The following MAP4K3 variants were observed in gnomAD, a reference collection of about 807,000 sequenced individuals.
The protein encoded by MAP4K3 is mitogen-activated protein kinase kinase kinase kinase 3.
Under a neutral mutation model 143.5 loss-of-function variants are expected in MAP4K3, and 94 were observed. The observed-to-expected ratio is 0.65, with a 90% CI of 0.55 to 0.78. The LOEUF (loss-of-function observed/expected upper bound fraction) is 0.78, where lower values mean the gene tolerates loss of function less well. Among genes scored for constraint, MAP4K3 ranks in the 30% least tolerant of loss-of-function variants. The pLI, the probability that MAP4K3 is intolerant of heterozygous loss-of-function variation, is 0.00. For synonymous variants in MAP4K3, 416 were observed against 347.2 expected (o/e 1.20, Z -2.20); for missense variants, 1,077 against 1,068.1 (o/e 1.01, Z -0.12).
At chr2:39,337,068 A>C (rs544778762) in intron 5 of MAP4K3, 101 bp from the exon 6 acceptor site, 1 of 588,210 alleles carries the variant, frequency 1.7e-6, no homozygotes, top group African/African-American at 1.9e-5. Flanking sequence ...ATTTTATTTA[A>C]TCTTTACAGG....
At position 39,393,747 on chromosome 2, in the gene MAP4K3, G is replaced by A. The variant is rs573081778; in HGVS notation, c.97-15624C>T. Among the ~76,000 whole-genome samples, 62 of 152,194 alleles carry A rather than the reference G, an allele frequency of 4.1e-4. No homozygotes were observed. In the South Asian group the frequency reaches 6.9e-3, roughly 17 times the overall value. ...TGGTATATGCAGGAGACTGGTTCCA[G>A]GACCCTTGAGTGTACCAAAATCCAC... On this transcript the variant is annotated intron_variant, in intron 1 of 33. Coordinates refer to ENST00000263881, the MANE Select transcript of MAP4K3 (RefSeq NM_003618.4).
chr2:39,299,683 T>C (rs1682428457), intron 16 of MAP4K3, 60 bp downstream of exon 16: 3 of 874,468 alleles, frequency 3.4e-6, no homozygotes, highest in South Asian at 2.2e-5. Flanking sequence ...TAAAATATAA[T>C]ATTAAAGGCA....
intron 1 of MAP4K3, among the ~76,000 whole-genome samples, chr2:39,421,368 A>ATTT (rs59291407): frequency 2.6e-4 from 22 of 85,348 alleles, no homozygotes; most frequent in African/African-American, 9.0e-4. Context: ...TGACTTGGGC[A>ATTT]TTTTTTTTTT....
At chr2:39,363,983 T>C (rs558021636) in intron 2 of MAP4K3, among the ~76,000 whole-genome samples, 2 of 103,926 alleles carry the variant, frequency 1.9e-5, no homozygotes, top group East Asian at 5.7e-4. Context: ...CCTGTTCAGA[T>C]AGCCATTATA....
intron 23 of MAP4K3, among the ~76,000 whole-genome samples, chr2:39,279,932 G>C (rs1681443438): frequency 6.6e-6 from 1 of 152,022 alleles, no homozygotes; most frequent in African/African-American, 2.4e-5. Flanking sequence ...TAGCCTGGGT[G>C]GCAGAGCAAA....
chr2:39,398,526 T>C (rs896024819), intron 1 of MAP4K3, among the ~76,000 whole-genome samples: 6 of 151,722 alleles, frequency 4.0e-5, no homozygotes, highest in Admixed American at 2.6e-4. Context: ...GAAACAAGAC[T>C]TCTCAGGGGA....
intron 20 of MAP4K3, 126 bp from the exon 21 acceptor site, chr2:39,287,090 A>G (rs1168870494): frequency 3.6e-6 from 2 of 548,152 alleles, no homozygotes; most frequent in Non-Finnish European, 6.3e-6. Flanking sequence ...GGATCACCCA[A>G]TCAGAATATT....
chr2:39,336,773 A>T (rs549575221), intron 6 of MAP4K3, 147 bp downstream of exon 6: 1 of 405,254 alleles, frequency 2.5e-6, no homozygotes, highest in South Asian at 4.6e-5. Context: ...GCTGCTATAA[A>T]AAATTAAACT....
intron 15 of MAP4K3, among the ~76,000 whole-genome samples, chr2:39,305,500 T>C (rs995950894): frequency 6.6e-6 from 1 of 152,216 alleles, no homozygotes; most frequent in Non-Finnish European, 1.5e-5. Context: ...TTAAAGTGCT[T>C]AGAATAATGC....
Position 39,343,472 on chromosome 2 carries a change from A to T in MAP4K3, c.246-20T>A. On this transcript the variant is annotated intron_variant, in intron 3 of 33. Coordinates refer to ENST00000263881, the MANE Select transcript of MAP4K3 (RefSeq NM_003618.4). ...TCTCGCCTATAAAGAGAAAAGAAGC[A>T]TGTATCATATTTTCATGATTAAAAC... 1.2e-6 allele frequency: 2 copies of T among 1,603,510 alleles called. No individual in the cohort carries two copies. Among genetic ancestry groups the T allele is most frequent in the Non-Finnish European group, 1.7e-6 (2 of 1,171,684 alleles).
chr2:39,371,223 G>A (rs115418812), intron 2 of MAP4K3, among the ~76,000 whole-genome samples: 3,328 of 152,222 alleles, frequency 0.022, 51 homozygotes, highest in Middle Eastern at 0.051. Context: ...ATGGAAGTGA[G>A]GTGAAATTTA....
intron 13 of MAP4K3, among the ~76,000 whole-genome samples, chr2:39,313,638 C>T (rs1405595447): frequency 6.6e-6 from 1 of 152,066 alleles, no homozygotes; most frequent in Non-Finnish European, 1.5e-5. Flanking sequence ...TCAGCCTCCC[C>T]AGTAGCTGGG....
At chr2:39,321,095 G>C (rs1683285690) in intron 12 of MAP4K3, among the ~76,000 whole-genome samples, 1 of 152,118 alleles carries the variant, frequency 6.6e-6, no homozygotes, top group African/African-American at 2.4e-5. Context: ...AGTTTACAAA[G>C]TGTTTTGATG....
intron 1 of MAP4K3, among the ~76,000 whole-genome samples, chr2:39,430,583 T>C (rs946333523): frequency 1.3e-5 from 2 of 152,194 alleles, no homozygotes; most frequent in African/African-American, 4.8e-5. Context: ...TTTTTTTGTA[T>C]TGGTGAACAA....
rs3086434 is a variant in MAP4K3 at position 39,392,183 on chromosome 2, C to CAAAAAAAAAAAAAAA, written c.97-14075_97-14061dup. Among the ~76,000 whole-genome samples, 154 of 69,030 alleles carry CAAAAAAAAAAAAAAA rather than the reference C, an allele frequency of 2.2e-3. 8 individuals are homozygous for CAAAAAAAAAAAAAAA. Among genetic ancestry groups the CAAAAAAAAAAAAAAA allele is most frequent in the Non-Finnish European group, 2.5e-3 (98 of 38,936 alleles). The allele number at this position is 69,030 out of a possible 152,430, so 45.3% of individuals were successfully genotyped here. A position where few individuals can be genotyped will look rare whatever the true frequency, so the allele number is the denominator to read the frequency against. On this transcript the variant is annotated intron_variant, in intron 1 of 33. Transcript: ENST00000263881. The stretch of plus-strand genomic sequence containing the variant: ...CTGGCAACAGAACGACACTCCTACT[C>CAAAAAAAAAAAAAAA]AAAAAAAAAAAAAAAAAAAAAATTA...
chr2:39,423,682 A>C (rs964290264), intron 1 of MAP4K3, among the ~76,000 whole-genome samples: 2 of 152,252 alleles, frequency 1.3e-5, no homozygotes, highest in African/African-American at 4.8e-5. Flanking sequence ...TACATATTGT[A>C]TGATTCCAAT....
chr2:39,328,045 T>C (rs1249529282), intron 8 of MAP4K3, among the ~76,000 whole-genome samples: 1 of 152,216 alleles, frequency 6.6e-6, no homozygotes, highest in African/African-American at 2.4e-5. Flanking sequence ...AGTTAGCGAA[T>C]GCTGGCCGGG....
At chr2:39,260,440 T>C (rs1442452136) in intron 29 of MAP4K3, among the ~76,000 whole-genome samples, 166 bp downstream of exon 29, 1 of 152,224 alleles carries the variant, frequency 6.6e-6, no homozygotes, top group South Asian at 2.1e-4. Flanking sequence ...ATGTGTCATA[T>C]GAATTAGCTA....
chr2:39,328,552 G>C (rs1683574845), intron 8 of MAP4K3, among the ~76,000 whole-genome samples: 1 of 152,168 alleles, frequency 6.6e-6, no homozygotes. Context: ...GGGGTTACCA[G>C]ATGCTACGGA....
Sources: gnomAD v4.1 joint callset for allele counts (sites outside exome capture counted in the v4.1 genomes callset) on GRCh38, gnomAD v4.1.1 for gene constraint, MANE v1.5 for transcripts, NCBI Gene and HGNC (gene_info 2026-07-23, HGNC 2026-07-21) for gene names.